The following USP34 variants were observed in gnomAD, a reference collection of about 807,000 sequenced individuals.
USP34 encodes the protein ubiquitin carboxyl-terminal hydrolase 34.
In USP34, 70 loss-of-function variants were observed where a neutral mutation model predicts 460.3. That is an observed-to-expected ratio of 0.15 (90% CI 0.13 to 0.19). USP34 has a LOEUF of 0.19. Ranked by LOEUF, USP34 falls within the 10% of genes least tolerant of loss-of-function variation. The pLI, the probability that USP34 is intolerant of heterozygous loss-of-function variation, is 1.00. For synonymous variants in USP34, 1,647 were observed against 1,405.3 expected (o/e 1.17, Z -3.85); for missense variants, 3,985 against 4,236.2 (o/e 0.94, Z 1.65).
At chr2:61,360,151 C>T (rs1388429201) in intron 10 of USP34, among the ~76,000 whole-genome samples, 1 of 148,076 alleles carries the variant, frequency 6.8e-6, no homozygotes, top group African/African-American at 2.4e-5. Context: ...CCAGGAAAGG[C>T]AAGGATGCCC....
chr2:61,343,525 C>T (rs1691668624), intron 16 of USP34, among the ~76,000 whole-genome samples: 1 of 152,124 alleles, frequency 6.6e-6, no homozygotes, highest in Admixed American at 6.6e-5. Flanking sequence ...AATTCTAATA[C>T]AACCATATAT....
At chr2:61,406,939 G>A (rs1395466919) in intron 2 of USP34, among the ~76,000 whole-genome samples, 1 of 152,104 alleles carries the variant, frequency 6.6e-6, no homozygotes, top group East Asian at 1.9e-4. Context: ...GAACCCGGGA[G>A]GCGGAGGCTG....
chr2:61,469,982 T>C (rs1192826218), intron 1 of USP34, among the ~76,000 whole-genome samples: 1 of 152,216 alleles, frequency 6.6e-6, no homozygotes, highest in African/African-American at 2.4e-5. Context: ...ATGGTATGTG[T>C]AGTACAGTGC....
chr2:61,248,733 A>G, intron 48 of USP34, 50 bp from the exon 49 acceptor site: 2 of 1,484,388 alleles, frequency 1.3e-6, no homozygotes, highest in Non-Finnish European at 1.8e-6. Flanking sequence ...CAAATACTTC[A>G]GTTGGTTTGA....
At chr2:61,446,572 G>C (rs1695123462) in intron 1 of USP34, among the ~76,000 whole-genome samples, 1 of 152,090 alleles carries the variant, frequency 6.6e-6, no homozygotes, top group South Asian at 2.1e-4. Context: ...AAGGCGGGCA[G>C]ATCACTTAAA....
At chr2:61,424,933 G>T (rs1201095731) in intron 1 of USP34, among the ~76,000 whole-genome samples, 1 of 152,050 alleles carries the variant, frequency 6.6e-6, no homozygotes. Flanking sequence ...AGGTTCAAGT[G>T]ATTCTCCTGC....
At chr2:61,383,742 G>A (rs1182455100) in intron 5 of USP34, among the ~76,000 whole-genome samples, 7 of 151,982 alleles carry the variant, frequency 4.6e-5, no homozygotes, top group Admixed American at 6.6e-5. Flanking sequence ...AAACAAAAAC[G>A]AGGATCATTT....
chr2:61,282,678 T>C (rs1462776347), intron 37 of USP34, among the ~76,000 whole-genome samples: 1 of 152,044 alleles, frequency 6.6e-6, no homozygotes, highest in East Asian at 1.9e-4. Context: ...TGGTCCCAGC[T>C]ACTTGGGAGG....
intron 10 of USP34, among the ~76,000 whole-genome samples, chr2:61,353,578 T>C (rs1019580443): frequency 6.6e-6 from 1 of 151,644 alleles, no homozygotes; most frequent in African/African-American, 2.4e-5. Context: ...TGTTTTTGTT[T>C]TTTTTGTTTA....
intron 10 of USP34, among the ~76,000 whole-genome samples, chr2:61,362,097 C>T (rs1045374941): frequency 2.0e-5 from 3 of 152,000 alleles, no homozygotes; most frequent in African/African-American, 2.4e-5. Flanking sequence ...CAGAGAAACG[C>T]AAATCAAAAG....
At chr2:61,453,834 G>T (rs1016153021) in intron 1 of USP34, among the ~76,000 whole-genome samples, 3 of 151,444 alleles carry the variant, frequency 2.0e-5, no homozygotes, top group African/African-American at 7.3e-5. Context: ...TTTTTAAACA[G>T]GAAAACATTA....
chr2:61,373,631 A>T (rs1692698774), intron 8 of USP34, among the ~76,000 whole-genome samples: 1 of 152,230 alleles, frequency 6.6e-6, no homozygotes, highest in Non-Finnish European at 1.5e-5. Context: ...AAATACATGA[A>T]GCAAAAACTG....
intron 2 of USP34, among the ~76,000 whole-genome samples, chr2:61,409,946 T>C (rs982446411): frequency 3.3e-5 from 5 of 152,172 alleles, no homozygotes; most frequent in African/African-American, 1.2e-4. Context: ...AATTGTATAT[T>C]ACATAAATAA....
In USP34 at chr2:61,280,421, G is replaced by C. The variant is rs994171708; in HGVS notation, c.5152-73C>G. 1.1e-5 allele frequency: 8 copies of C among 699,984 alleles called. No individual in the cohort carries two copies. The African/African-American group carries it at 1.3e-4, about 11-fold the overall frequency. 43.4% of individuals were successfully genotyped at this position (699,984 alleles called of 1,614,324 possible). A position where few individuals can be genotyped will look rare whatever the true frequency, so the allele number is the denominator to read the frequency against. On this transcript the variant is annotated intron_variant, in intron 38 of 79. Coordinates refer to ENST00000398571, the MANE Select transcript of USP34 (RefSeq NM_014709.4). The stretch of plus-strand genomic sequence containing the variant: ...AAATTATAATACATTTAAGAAACTA[G>C]AGGCTTTATGAAATAAATTCCTATA...
chr2:61,331,055 C>A (rs76895401), intron 20 of USP34, among the ~76,000 whole-genome samples: 1,955 of 152,090 alleles, frequency 0.013, 45 homozygotes, highest in African/African-American at 0.045. Context: ...GGTTAACCAA[C>A]CCCCAAAAGT....
chr2:61,457,218 G>C (rs1202792750), intron 1 of USP34, among the ~76,000 whole-genome samples: 1 of 152,160 alleles, frequency 6.6e-6, no homozygotes, highest in Non-Finnish European at 1.5e-5. Flanking sequence ...CAAGACTACA[G>C]TGAGCCGTGA....
intron 1 of USP34, among the ~76,000 whole-genome samples, chr2:61,432,939 A>G (rs988403269): frequency 2.0e-5 from 3 of 152,244 alleles, no homozygotes; most frequent in Admixed American, 2.0e-4. Flanking sequence ...ACAGAAGATT[A>G]AGATATTAGT....
chr2:61,320,274 A>G (rs939711969), intron 21 of USP34, among the ~76,000 whole-genome samples: 1 of 152,218 alleles, frequency 6.6e-6, no homozygotes, highest in Non-Finnish European at 1.5e-5. Flanking sequence ...CTAGTATCTT[A>G]AGGACAGGGC....
intron 3 of USP34, among the ~76,000 whole-genome samples, chr2:61,396,475 A>AT (rs1693530470): frequency 7.0e-6 from 1 of 143,354 alleles, no homozygotes; most frequent in Non-Finnish European, 1.5e-5. Flanking sequence ...AATGAATGGC[A>AT]TAACCATTCC....
Sources: gnomAD v4.1 joint callset for allele counts (sites outside exome capture counted in the v4.1 genomes callset) on GRCh38, gnomAD v4.1.1 for gene constraint, MANE v1.5 for transcripts, NCBI Gene and HGNC (gene_info 2026-07-23, HGNC 2026-07-21) for gene names.